Variants in ATF6B observed in about 807,000 individuals in gnomAD.
The protein encoded by ATF6B is activating transcription factor 6 beta, also known as cyclic AMP-dependent transcription factor ATF-6 beta.
Under a neutral mutation model 83.5 loss-of-function variants are expected in ATF6B, and 50 were observed. The ratio of observed to expected loss-of-function variants is 0.60; its 90% CI spans 0.48 to 0.76. The LOEUF is 0.76. Among genes scored for constraint, ATF6B ranks in the 30% least tolerant of loss-of-function variants. ATF6B has a pLI of 0.00. For missense variants in ATF6B, 790 were observed against 893.8 expected (o/e 0.88, Z 1.48); for synonymous variants, 344 against 362.8 (o/e 0.95, Z 0.59).
Position 32,119,126 on chromosome 6 carries a change from G to A in ATF6B, c.982C>T (p.Arg328Trp), listed in dbSNP as rs760262264. The change falls in exon 10 of 18, where the codon CGG becomes TGG. Residue 328 changes from arginine (R) to tryptophan (W), a missense_variant. Around this residue, in one of 3 missense-constraint regions of ATF6B, gnomAD observed 530 missense variants for 632.6 expected, o/e 0.84. Transcript: ENST00000375203. The surrounding 1 kb of genome is among the most constrained non-coding windows in gnomAD (Gnocchi z 4.9). ...CGGTTCTTGATCATTCGCTGCTGCC[G>A]CTTCAGCAGCTTTGCCTAGGCACCC... ...PPEVDAKLLK[R>W]QQRMIKNRES... is the part of the protein sequence containing the mutation. 8.1e-6 allele frequency: 13 copies of A among 1,610,490 alleles called. No individual in the cohort carries two copies. Among genetic ancestry groups the A allele is most frequent in the Non-Finnish European group, 1.0e-5 (12 of 1,179,366 alleles).
chr6:32,119,981 G>T lies in ATF6B; in HGVS notation c.833-24C>A. The T allele has an allele frequency of 2.5e-6, 4 of 1,610,502 alleles. No homozygotes were observed. Among genetic ancestry groups the T allele is most frequent in the Non-Finnish European group, 3.4e-6 (4 of 1,177,946 alleles). On this transcript the variant is annotated intron_variant, in intron 8 of 17. Transcript: ENST00000375203. This position sits in a 1 kb window ranked among gnomAD's most constrained non-coding sequence, Gnocchi z 4.9. The stretch of plus-strand genomic sequence containing the variant: ...CACTGGGGCAAGTGAGCAGAGGTCA[G>T]AGGGCTGTGCGCTGGGTGGGGTCCT...
Position 32,116,748 on chromosome 6 carries a change from T to C in ATF6B, c.1753A>G (p.Ile585Val), listed in dbSNP as rs772466130. The change falls in exon 16 of 18, where the codon ATT becomes GTT. Residue 585 changes from isoleucine (I) to valine (V), a missense_variant. Around this residue, in one of 3 missense-constraint regions of ATF6B, gnomAD observed 530 missense variants for 632.6 expected, o/e 0.84. Coordinates refer to ENST00000375203, the MANE Select transcript of ATF6B (RefSeq NM_004381.5). This position sits in a 1 kb window ranked among gnomAD's most constrained non-coding sequence, Gnocchi z 5.1. ...TAAAATGTGTCTTCCCGTCGGTCAA[T>C]TGCATCCAAGAATGCTGGCTGCGAA... ...DRSQPAFLDA[I>V]DRREDTFYVV... 1.1e-5 allele frequency: 17 copies of C among 1,614,128 alleles called. No homozygotes were observed. Among genetic ancestry groups the C allele is most frequent in the African/African-American group, 1.3e-5 (1 of 75,018 alleles).
At position 32,127,305 on chromosome 6, in the gene ATF6B, C is replaced by A. The variant is rs114756811; in HGVS notation, c.251-111G>T. The A allele has an allele frequency of 2.2e-3, 2,941 of 1,366,124 alleles. 47 individuals are homozygous for A. In the African/African-American group the frequency reaches 0.035, roughly 16 times the overall value. 84.6% of individuals were successfully genotyped at this position (1,366,124 alleles called of 1,614,324 possible). ...CTGTACCGCAGCAAGGGAGAAGAAA[C>A]AAAAATAGGGGATTGAAGGAGAGAG... On this transcript the variant is annotated intron_variant, in intron 3 of 17. Transcript: ENST00000375203.
intron 8 of ATF6B, chr6:32,120,481 C>T (rs1349351183): frequency 3.1e-4 from 55 of 178,702 alleles, no homozygotes; most frequent in Non-Finnish European, 4.6e-4. Context: ...GACAAAGTCT[C>T]GCTTTGTCGC....
At chr6:32,127,283 T>G in intron 3 of ATF6B, 89 bp from the exon 4 acceptor site, 1 of 1,393,882 alleles carries the variant, frequency 7.2e-7, no homozygotes, top group Admixed American at 2.2e-5. Flanking sequence ...GGGATTCCTG[T>G]ACCGCAGCAA....
chr6:32,117,045 G>C lies in ATF6B; in HGVS notation c.1677C>G (p.Pro559=), dbSNP rs1173131915. 1 of 1,614,048 alleles carries C rather than the reference G, an allele frequency of 6.2e-7. No homozygotes were observed. Among genetic ancestry groups the C allele is most frequent in the Non-Finnish European group, 8.5e-7 (1 of 1,179,954 alleles). Residue 559 remains proline, a synonymous_variant, in exon 15 of 18, where the codon CCC becomes CCG. Transcript: ENST00000375203. This position sits in a 1 kb window ranked among gnomAD's most constrained non-coding sequence, Gnocchi z 5.0. ...VKAVPIQPPG[P]PERDSVGQLQ... ...CCCCACCCCACACTCACCTTTCTGG[G>C]GGTCCAGGGGGTTGGATGGGGACTG...
chr6:32,121,308 G>T lies in ATF6B; in HGVS notation c.519C>A (p.Ser173=), dbSNP rs369263490. 2.5e-6 allele frequency: 4 copies of T among 1,613,946 alleles called. No individual in the cohort carries two copies. In the South Asian group the frequency reaches 3.3e-5, roughly 13 times the overall value. Residue 173 remains serine (S), a synonymous_variant, in exon 6 of 18, where the codon TCC becomes TCA. Transcript: ENST00000375203. Reference sequence around the variant, plus strand: ...AGAGCAGGGAGGCCTCAGAGTTGACGGAAGAACATGGAGAGACAGGTTCTA... The same window carrying T: ...AGAGCAGGGAGGCCTCAGAGTTGACTGAAGAACATGGAGAGACAGGTTCTA... The part of the protein sequence containing the change: ...TKIEPVSPCS[S]VNSEASLLSA...
In ATF6B at chr6:32,121,351, G is replaced by A. The variant is rs776939193; in HGVS notation, c.479-3C>T. 2 of 1,613,676 alleles carry A rather than the reference G, an allele frequency of 1.2e-6. No individual in the cohort carries two copies. Among genetic ancestry groups the A allele is most frequent in the Admixed American group, 3.3e-5 (2 of 59,998 alleles). ...AGGTTCTATCTTGGTCTGGACATCT[G>A]TGGGAGGCAGGATGAGGCAAAAGCT... On this transcript the variant is annotated splice_polypyrimidine_tract_variant and splice_region_variant and intron_variant, in intron 5 of 17. Transcript: ENST00000375203.
chr6:32,124,560 C>T (rs952542296), intron 5 of ATF6B, among the ~76,000 whole-genome samples: 6 of 152,172 alleles, frequency 3.9e-5, no homozygotes, highest in Non-Finnish European at 8.8e-5. Context: ...GCTTAATTCT[C>T]CAAAGGCCCC....
rs771117606 is a variant in ATF6B at position 32,115,852 on chromosome 6, G to A, written c.1999C>T (p.Arg667Ter). ...IKTSTVPPSL[R>*]KQPSPTPGNA... ...CCTGGGGTTGGGGATGGCTGTTTTC[G>A]GAGCGAGGGGGGCACTGTGGAGGTC... The change falls in exon 18 of 18, where the codon CGA becomes TGA. Residue 667 changes from arginine to a stop codon, truncating the protein, a stop_gained. Transcript: ENST00000375203. LOFTEE classifies it high-confidence loss of function. The A allele has an allele frequency of 9.9e-6, 16 of 1,614,046 alleles. No homozygotes were observed. The highest frequency in any genetic ancestry group is 5.0e-5 in the Admixed American group (3 of 60,006).
At position 32,116,475 on chromosome 6, in the gene ATF6B, G is replaced by C; in HGVS notation, c.1882+5C>G. 2 of 1,609,836 alleles carry C rather than the reference G, an allele frequency of 1.2e-6. No homozygotes were observed. The highest frequency in any genetic ancestry group is 1.7e-6 in the Non-Finnish European group (2 of 1,177,606). ...TGCCCCCATACCCAGCAGGGAAAGAGTTACCATTGGGGGCCATGGCAGGCA... is the reference window on the plus strand; with the variant it reads ...TGCCCCCATACCCAGCAGGGAAAGACTTACCATTGGGGGCCATGGCAGGCA... On this transcript the variant is annotated splice_donor_5th_base_variant and intron_variant, in intron 17 of 17. Coordinates refer to ENST00000375203, the MANE Select transcript of ATF6B (RefSeq NM_004381.5). The surrounding 1 kb of genome is among the most constrained non-coding windows in gnomAD (Gnocchi z 5.1).
Position 32,117,012 on chromosome 6 carries a change from A to G in ATF6B, c.1685+25T>C. On this transcript the variant is annotated intron_variant, in intron 15 of 17. Transcript: ENST00000375203. This position sits in a 1 kb window ranked among gnomAD's most constrained non-coding sequence, Gnocchi z 5.0. The stretch of plus-strand genomic sequence containing the variant: ...CTTGAAAGTGGAATTTCACTTAATA[A>G]GTAAGCACCCCACCCCACACTCACC... 1 of 1,610,700 alleles carries G rather than the reference A, an allele frequency of 6.2e-7. No homozygotes were observed. Among genetic ancestry groups the G allele is most frequent in the South Asian group, 1.1e-5 (1 of 90,938 alleles).
Position 32,118,165 on chromosome 6 carries a change from G to A in ATF6B, c.1245-127C>T, listed in dbSNP as rs138570923. The A allele has an allele frequency of 1.4e-5, 16 of 1,178,790 alleles. No homozygotes were observed. In the African/African-American group the frequency reaches 2.3e-4, roughly 17 times the overall value. The allele number at this position is 1,178,790 out of a possible 1,614,324, so 73.0% of individuals were successfully genotyped here. On this transcript the variant is annotated intron_variant, in intron 11 of 17. Coordinates refer to ENST00000375203, the MANE Select transcript of ATF6B (RefSeq NM_004381.5). The surrounding 1 kb of genome is among the most constrained non-coding windows in gnomAD (Gnocchi z 5.2). ...GTTATACAAGCCTGAGTCTGCCTCT[G>A]TAAGATGGGAATAAGGATGGTCCCT... is the stretch of plus-strand genomic sequence containing the variant.
In ATF6B at chr6:32,126,106, T is replaced by A. The variant is rs769070224; in HGVS notation, c.478+11A>T. The A allele has an allele frequency of 8.1e-6, 13 of 1,613,926 alleles. No homozygotes were observed. The highest frequency in any genetic ancestry group is 8.5e-6 in the Non-Finnish European group (10 of 1,180,000). On this transcript the variant is annotated intron_variant, in intron 5 of 17. Coordinates refer to ENST00000375203, the MANE Select transcript of ATF6B (RefSeq NM_004381.5). ...GTAGAGCCAAGGATTGGGGGCAGGC[T>A]GTTTTATTACCTGAGGAATCATCAG...
chr6:32,123,668 G>A (rs1050886548), intron 5 of ATF6B, among the ~76,000 whole-genome samples: 14 of 152,174 alleles, frequency 9.2e-5, no homozygotes, highest in Non-Finnish European at 1.9e-4. Flanking sequence ...GATTACAGGT[G>A]TGAACCACTG....
rs1781608255 is a variant in ATF6B at position 32,118,130 on chromosome 6, G to A, written c.1245-92C>T. On this transcript the variant is annotated intron_variant, in intron 11 of 17. Transcript: ENST00000375203. The surrounding 1 kb of genome is among the most constrained non-coding windows in gnomAD (Gnocchi z 5.2). ...AAGACTCTGCAGATGGACTGCTTGA[G>A]TTGCAATCTGTTATACAAGCCTGAG... 1.4e-6 allele frequency: 2 copies of A among 1,461,970 alleles called. No individual in the cohort carries two copies. The highest frequency in any genetic ancestry group is 2.3e-5 in the South Asian group (2 of 85,472). 90.6% of individuals were successfully genotyped at this position (1,461,970 alleles called of 1,614,324 possible).
At chr6:32,121,415 A>T in intron 5 of ATF6B, 67 bp from the exon 6 acceptor site, 4 of 1,490,198 alleles carry the variant, frequency 2.7e-6, no homozygotes, top group Non-Finnish European at 3.7e-6. Flanking sequence ...GAGGGTTAAG[A>T]TGGGAGGCTG....
Position 32,116,469 on chromosome 6 carries a change from G to A in ATF6B, c.1882+11C>T, listed in dbSNP as rs760235119. 1 of 1,609,014 alleles carries A rather than the reference G, an allele frequency of 6.2e-7. No homozygotes were observed. The highest frequency in any genetic ancestry group is 8.5e-7 in the Non-Finnish European group (1 of 1,176,930). On this transcript the variant is annotated intron_variant, in intron 17 of 17. Coordinates refer to ENST00000375203, the MANE Select transcript of ATF6B (RefSeq NM_004381.5). This position sits in a 1 kb window ranked among gnomAD's most constrained non-coding sequence, Gnocchi z 5.1. Reference sequence around the variant, plus strand: ...TGGAACTGCCCCCATACCCAGCAGGGAAAGAGTTACCATTGGGGGCCATGG... The same window carrying A: ...TGGAACTGCCCCCATACCCAGCAGGAAAAGAGTTACCATTGGGGGCCATGG...
chr6:32,121,786 C>T (rs1256480207), intron 5 of ATF6B, among the ~76,000 whole-genome samples: 1 of 152,186 alleles, frequency 6.6e-6, no homozygotes, highest in African/African-American at 2.4e-5. Context: ...CCCTAGATTA[C>T]AGGCCATCCA....
Sources: gnomAD v4.1 joint callset for allele counts (sites outside exome capture counted in the v4.1 genomes callset) on GRCh38, gnomAD v4.1.1 for gene constraint, gnomAD v4.1.1 regional missense constraint, Gnocchi (gnomAD v3.1) non-coding constraint, MANE v1.5 for transcripts, NCBI Gene and HGNC (gene_info 2026-07-23, HGNC 2026-07-21) for gene names.